The following TNFAIP8 variants were observed in gnomAD, a reference collection of about 807,000 sequenced individuals.
The protein encoded by TNFAIP8 is tumor necrosis factor alpha-induced protein 8.
TNFAIP8 carries 7 observed loss-of-function variants against 13.3 expected under a neutral mutation model. That is an observed-to-expected ratio of 0.52 (90% CI 0.30 to 0.99). The LOEUF (loss-of-function observed/expected upper bound fraction) is 0.99, where lower values mean the gene tolerates loss of function less well. Among genes scored for constraint, TNFAIP8 ranks in the 50% least tolerant of loss-of-function variants. The probability of loss-of-function intolerance (pLI) is 0.07; values close to 1 mark genes in which losing one functional copy is unlikely to be tolerated. For synonymous variants in TNFAIP8, 94 were observed against 87.6 expected (o/e 1.07, Z -0.41); for missense variants, 258 against 236.9 (o/e 1.09, Z -0.58).
chr5:119,323,930 A>T (rs1054407871), intron 1 of TNFAIP8, among the ~76,000 whole-genome samples: 1 of 152,210 alleles, frequency 6.6e-6, no homozygotes, highest in Non-Finnish European at 1.5e-5. Flanking sequence ...GCTTGGAACA[A>T]CAGTGGGTTT....
intron 1 of TNFAIP8, among the ~76,000 whole-genome samples, chr5:119,307,136 A>G (rs913119440): frequency 6.6e-6 from 1 of 152,320 alleles, no homozygotes; most frequent in East Asian, 1.9e-4. Flanking sequence ...ACATCAGTTC[A>G]TATTAGGAAG....
chr5:119,316,642 C>A (rs1476967949), intron 1 of TNFAIP8, among the ~76,000 whole-genome samples: 1 of 152,124 alleles, frequency 6.6e-6, no homozygotes, highest in Non-Finnish European at 1.5e-5. Context: ...GAATCTCTTT[C>A]AAAAATCCAG....
chr5:119,386,908 C>G (rs901705857), intron 1 of TNFAIP8, among the ~76,000 whole-genome samples: 1 of 152,128 alleles, frequency 6.6e-6, no homozygotes, highest in Admixed American at 6.5e-5. Flanking sequence ...GCTTCTGACC[C>G]TTCCAGGGCA....
intron 1 of TNFAIP8, among the ~76,000 whole-genome samples, chr5:119,288,453 T>C (rs559928788): frequency 1.3e-5 from 2 of 152,340 alleles, no homozygotes; most frequent in Non-Finnish European, 2.9e-5. Flanking sequence ...ATTTGATTGA[T>C]GTTTGCAGCA....
Position 119,356,049 on chromosome 5 carries a change from A to G in TNFAIP8, c.-42A>G, listed in dbSNP as rs748472776. 5.1e-6 allele frequency: 8 copies of G among 1,555,702 alleles called. No homozygotes were observed. The highest frequency in any genetic ancestry group is 5.2e-6 in the Non-Finnish European group (6 of 1,149,112). On this transcript the variant is annotated 5_prime_UTR_variant, in exon 1 of 2. It removes an upstream start codon present in the reference 5' UTR. Coordinates refer to ENST00000504771, the MANE Select transcript of TNFAIP8 (RefSeq NM_014350.4). Reference sequence around the variant, plus strand: ...GCGAACTTGCGGCTCGTCCGAGTACATGTGAGCGGTAATCGCCCCTGCAGC... The same window carrying G: ...GCGAACTTGCGGCTCGTCCGAGTACGTGTGAGCGGTAATCGCCCCTGCAGC...
At chr5:119,315,362 G>C (rs1749857818) in intron 1 of TNFAIP8, among the ~76,000 whole-genome samples, 1 of 152,172 alleles carries the variant, frequency 6.6e-6, no homozygotes. Context: ...GGGATTACAG[G>C]TATTAGCCAT....
intron 1 of TNFAIP8, among the ~76,000 whole-genome samples, chr5:119,369,584 A>G (rs1180702340): frequency 1.3e-5 from 2 of 152,236 alleles, no homozygotes; most frequent in Non-Finnish European, 2.9e-5. Flanking sequence ...GCAGTTTTTC[A>G]TGAGATTCAT....
chr5:119,383,991 A>G (rs1481278029), intron 1 of TNFAIP8, among the ~76,000 whole-genome samples: 2 of 152,158 alleles, frequency 1.3e-5, no homozygotes, highest in Admixed American at 6.5e-5. Context: ...TTCCTATACT[A>G]AAAGAAGAGG....
chr5:119,300,094 C>T (rs1427895290), intron 1 of TNFAIP8, among the ~76,000 whole-genome samples: 3 of 152,240 alleles, frequency 2.0e-5, no homozygotes, highest in African/African-American at 4.8e-5. Context: ...TGCTTCGGCT[C>T]GCGCACGGTG....
intron 1 of TNFAIP8, among the ~76,000 whole-genome samples, chr5:119,337,561 T>C (rs1233559755): frequency 6.6e-6 from 1 of 151,772 alleles, no homozygotes; most frequent in Non-Finnish European, 1.5e-5. Context: ...TTATCAAAAC[T>C]CAGGGTCATG....
At chr5:119,335,882 G>A (rs186493085) in intron 1 of TNFAIP8, among the ~76,000 whole-genome samples, 2 of 152,042 alleles carry the variant, frequency 1.3e-5, no homozygotes, top group African/African-American at 4.8e-5. Flanking sequence ...TGTTGCAGGG[G>A]GTGAGGGGGT....
intron 1 of TNFAIP8, among the ~76,000 whole-genome samples, chr5:119,314,002 C>T (rs552102823): frequency 6.6e-6 from 1 of 152,284 alleles, no homozygotes; most frequent in South Asian, 2.1e-4. Context: ...GTAAATGCAA[C>T]TAGCATAAAA....
At chr5:119,390,835 C>T (rs1370788476) in intron 1 of TNFAIP8, among the ~76,000 whole-genome samples, 1 of 151,880 alleles carries the variant, frequency 6.6e-6, no homozygotes, top group Admixed American at 6.6e-5. Context: ...TTAATTTTTT[C>T]TGAGACAGGG....
intron 1 of TNFAIP8, among the ~76,000 whole-genome samples, chr5:119,332,939 A>G (rs770519510): frequency 2.0e-5 from 3 of 152,232 alleles, no homozygotes; most frequent in Non-Finnish European, 4.4e-5. Context: ...GATTTTAAGT[A>G]GCAACATTGT....
intron 1 of TNFAIP8, among the ~76,000 whole-genome samples, chr5:119,309,573 T>C (rs1749669278): frequency 6.6e-6 from 1 of 152,060 alleles, no homozygotes. Context: ...AATGAAAAGA[T>C]AACAATAGAG....
At chr5:119,300,008 C>T (rs1015128397) in intron 1 of TNFAIP8, among the ~76,000 whole-genome samples, 1 of 152,356 alleles carries the variant, frequency 6.6e-6, no homozygotes, top group East Asian at 1.9e-4. Context: ...CAGGTGCCGT[C>T]TGTCACCCCT....
intron 1 of TNFAIP8, among the ~76,000 whole-genome samples, chr5:119,316,909 G>A (rs1749914410): frequency 6.6e-6 from 1 of 152,100 alleles, no homozygotes; most frequent in Non-Finnish European, 1.5e-5. Flanking sequence ...ATGCTTCAAA[G>A]CATCCCACAA....
chr5:119,329,402 C>G (rs1387515487), intron 1 of TNFAIP8, among the ~76,000 whole-genome samples: 2 of 152,190 alleles, frequency 1.3e-5, no homozygotes, highest in Non-Finnish European at 2.9e-5. Context: ...GATGACAGAC[C>G]TGAGCAGTCT....
At chr5:119,271,417 T>TA (rs1330476906) in intron 1 of TNFAIP8, among the ~76,000 whole-genome samples, 2 of 152,194 alleles carry the variant, frequency 1.3e-5, no homozygotes, top group African/African-American at 4.8e-5. Context: ...AATGTGGTAG[T>TA]AACACCCTTC....
Sources: allele counts gnomAD v4.1 joint callset (sites outside exome capture counted in the v4.1 genomes callset), GRCh38; gene constraint gnomAD v4.1.1; transcripts MANE v1.5; gene names NCBI Gene and HGNC (gene_info 2026-07-23, HGNC 2026-07-21).